The following PTH2R variants were observed in gnomAD, a reference collection of about 807,000 sequenced individuals.
The protein encoded by PTH2R is parathyroid hormone 2 receptor.
PTH2R carries 59 observed loss-of-function variants against 60.3 expected under a neutral mutation model. The observed-to-expected ratio is 0.98, with a 90% CI of 0.79 to 1.22. The LOEUF is 1.22. PTH2R is among the 50% of genes most tolerant of loss of function. PTH2R has a pLI of 0.00. For synonymous variants in PTH2R, 256 were observed against 243.8 expected (o/e 1.05, Z -0.47); for missense variants, 749 against 682.6 (o/e 1.10, Z -1.08).
intron 12 of PTH2R, among the ~76,000 whole-genome samples, chr2:208,491,213 T>G (rs963395684): frequency 1.3e-5 from 2 of 152,210 alleles, no homozygotes; most frequent in African/African-American, 4.8e-5. Flanking sequence ...AATTTTAAGC[T>G]TGCTGCAGGC....
rs925066027 is a variant in PTH2R at position 208,372,914 on chromosome 2, G to A, written c.-259+12677G>A. ...AGTCTGGGCAACATGGCAAAACCCC[G>A]TCTCCACCAAAAATACAAAAAATTA... On this transcript the variant is annotated intron_variant, in intron 1 of 12. Transcript: ENST00000617735. Among the ~76,000 whole-genome samples the A allele has an allele frequency of 6.6e-5, 10 of 151,802 alleles. 1 individual carries two copies. Among genetic ancestry groups the A allele is most frequent in the African/African-American group, 2.4e-4 (10 of 41,210 alleles).
At chr2:208,462,980 A>T (rs1228792615) in intron 9 of PTH2R, among the ~76,000 whole-genome samples, 1 of 152,142 alleles carries the variant, frequency 6.6e-6, no homozygotes, top group Admixed American at 6.5e-5. Context: ...TTTCATTTGG[A>T]AAGATCTCAG....
chr2:208,450,616 A>G, intron 7 of PTH2R, 133 bp from the exon 8 acceptor site: 1 of 803,920 alleles, frequency 1.2e-6, no homozygotes, highest in Non-Finnish European at 2.0e-6. Flanking sequence ...TTTCTTGTTC[A>G]CATATCAGAA....
rs200380523 is a variant in PTH2R at position 208,429,681 on chromosome 2, TAGTG to T, written c.178+1379_178+1382del. Among the ~76,000 whole-genome samples the T allele has an allele frequency of 8.2e-3, 1,256 of 152,278 alleles. 18 individuals are homozygous for T. The highest frequency in any genetic ancestry group is 0.028 in the African/African-American group (1,180 of 41,568). ...AAATTTTTTTCATTGTACTGCTCAA[TAGTG>T]TTAAGTATATTCGCATTGTTGTGCA... On this transcript the variant is annotated intron_variant, in intron 2 of 12. Coordinates refer to ENST00000272847, the MANE Select transcript of PTH2R (RefSeq NM_005048.4).
intron 1 of PTH2R, among the ~76,000 whole-genome samples, chr2:208,414,871 C>T (rs1166511179): frequency 6.6e-6 from 1 of 151,988 alleles, no homozygotes; most frequent in Admixed American, 6.6e-5. Context: ...CCTTTCAAAA[C>T]ATATTGGCCC....
intron 1 of PTH2R, among the ~76,000 whole-genome samples, chr2:208,421,500 A>G (rs983793529): frequency 2.6e-5 from 4 of 152,106 alleles, no homozygotes; most frequent in Non-Finnish European, 5.9e-5. Context: ...CTAAACAAAA[A>G]TAGTTTCATG....
chr2:208,382,881 C>T (rs1475010776), intron 1 of PTH2R, among the ~76,000 whole-genome samples: 2 of 152,344 alleles, frequency 1.3e-5, no homozygotes, highest in South Asian at 2.1e-4. Context: ...CTAGTGTGCC[C>T]TGGTTCATAA....
chr2:208,413,974 C>T (rs902672273), intron 1 of PTH2R, among the ~76,000 whole-genome samples: 2 of 152,148 alleles, frequency 1.3e-5, no homozygotes, highest in Admixed American at 1.3e-4. Flanking sequence ...GTACATCTTC[C>T]TGTAGCTGCA....
At chr2:208,362,029 C>G (rs1300035402) in intron 1 of PTH2R, among the ~76,000 whole-genome samples, 2 of 152,098 alleles carry the variant, frequency 1.3e-5, no homozygotes, top group Non-Finnish European at 1.5e-5. Flanking sequence ...CAGAACAAAC[C>G]AAAAAGGTGG....
chr2:208,421,307 A>G (rs1701751014), intron 1 of PTH2R, among the ~76,000 whole-genome samples: 1 of 152,112 alleles, frequency 6.6e-6, no homozygotes. Context: ...AGTTTGAATT[A>G]GAGTTCATTA....
intron 1 of PTH2R, among the ~76,000 whole-genome samples, chr2:208,410,386 C>T (rs938259191): frequency 1.2e-4 from 18 of 152,174 alleles, no homozygotes; most frequent in African/African-American, 4.1e-4. Context: ...GGGGCCCACC[C>T]CTCCTACTGG....
chr2:208,422,983 T>C (rs1301654972), intron 1 of PTH2R, among the ~76,000 whole-genome samples: 1 of 152,176 alleles, frequency 6.6e-6, no homozygotes, highest in Non-Finnish European at 1.5e-5. Context: ...CTTCCTTTTT[T>C]TTCTTGGTTG....
At chr2:208,448,054 C>A (rs779343246) in intron 7 of PTH2R, among the ~76,000 whole-genome samples, 1 of 152,122 alleles carries the variant, frequency 6.6e-6, no homozygotes, top group Non-Finnish European at 1.5e-5. Flanking sequence ...AACCACCTAT[C>A]CTAGTAATAC....
chr2:208,490,579 A>T, intron 11 of PTH2R, 60 bp from the exon 12 acceptor site: 2 of 1,555,652 alleles, frequency 1.3e-6, no homozygotes, highest in Non-Finnish European at 1.7e-6. Flanking sequence ...TTGGCACAAG[A>T]TGCTTAAGTG....
At chr2:208,460,728 G>A (rs1381038976) in intron 9 of PTH2R, among the ~76,000 whole-genome samples, 2 of 152,088 alleles carry the variant, frequency 1.3e-5, no homozygotes, top group Non-Finnish European at 2.9e-5. Flanking sequence ...TTGGGTTGTT[G>A]AAGAAATTAC....
At chr2:208,417,275 G>C (rs1311777979) in intron 1 of PTH2R, among the ~76,000 whole-genome samples, 1 of 152,098 alleles carries the variant, frequency 6.6e-6, no homozygotes, top group African/African-American at 2.4e-5. Flanking sequence ...TGTAAAATTA[G>C]TCTTTTTTGC....
chr2:208,401,972 C>A (rs1216181846), upstream of PTH2R, among the ~76,000 whole-genome samples: 1 of 152,188 alleles, frequency 6.6e-6, no homozygotes, highest in African/African-American at 2.4e-5. Context: ...AACACTTTTT[C>A]CTACAAAAAC....
intron 1 of PTH2R, among the ~76,000 whole-genome samples, chr2:208,374,369 T>TAG (rs1412262298): frequency 1.3e-5 from 2 of 152,116 alleles, no homozygotes; most frequent in Admixed American, 6.5e-5. Context: ...CTACCTCACA[T>TAG]TAACTCTGCT....
intron 1 of PTH2R, among the ~76,000 whole-genome samples, chr2:208,375,710 G>T (rs1484563890): frequency 6.6e-6 from 1 of 152,090 alleles, no homozygotes; most frequent in Non-Finnish European, 1.5e-5. Flanking sequence ...GCTCCATGTT[G>T]GATGATGCCT....
Sources: allele counts gnomAD v4.1 joint callset (sites outside exome capture counted in the v4.1 genomes callset), GRCh38; gene constraint gnomAD v4.1.1; transcripts MANE v1.5; gene names NCBI Gene and HGNC (gene_info 2026-07-23, HGNC 2026-07-21).